Variants in ARHGEF26 observed in about 807,000 individuals in gnomAD.
ARHGEF26 encodes Rho guanine nucleotide exchange factor (GEF) 26.
ARHGEF26 carries 59 observed loss-of-function variants against 89.4 expected under a neutral mutation model. The observed-to-expected ratio is 0.66, with a 90% CI of 0.54 to 0.82. The LOEUF is 0.82. Among genes scored for constraint, ARHGEF26 ranks in the 40% least tolerant of loss-of-function variants. ARHGEF26 has a pLI of 0.00. For synonymous variants in ARHGEF26, 500 were observed against 428.4 expected, an observed-to-expected ratio of 1.17 and a Z score of -2.06; for missense variants, 1,234 against 1,085.6, an observed-to-expected ratio of 1.14 and a Z score of -1.92.
In ARHGEF26 at chr3:154,122,432, C is replaced by G; in HGVS notation, c.440C>G (p.Pro147Arg). 1.2e-6 allele frequency: 2 copies of G among 1,611,350 alleles called. No individual in the cohort carries two copies. The highest frequency in any genetic ancestry group is 8.5e-7 in the Non-Finnish European group (1 of 1,179,154). ...CCGCCGCCGCCGGTTCTGCGCCCCC[C>G]GCGGACTCCTAACGCGCCCGCCCCC... ...APPPPPVLRP[P>R]RTPNAPAPCT... Residue 147 changes from proline (P) to arginine (R), a missense_variant, in exon 2 of 15, where the codon CCG (proline) becomes CGG (arginine). Pro to Arg is a moderately radical substitution (Grantham distance 103). Coordinates refer to ENST00000465093, the MANE Select transcript of ARHGEF26 (RefSeq NM_015595.4).
chr3:154,144,186 C>G (rs1006675931), intron 4 of ARHGEF26, among the ~76,000 whole-genome samples: 2 of 152,126 alleles, frequency 1.3e-5, no homozygotes, highest in Non-Finnish European at 2.9e-5. Context: ...CTTAAAAACT[C>G]TGAAGTTTTA....
At chr3:154,227,317 A>G (rs1304897684) in intron 11 of ARHGEF26, among the ~76,000 whole-genome samples, 2 of 127,294 alleles carry the variant, frequency 1.6e-5, no homozygotes, top group East Asian at 2.3e-4. Flanking sequence ...TTTTTTTGAG[A>G]TAGAGTCTTG....
At chr3:154,139,967 C>T (rs1719256054) in intron 4 of ARHGEF26, among the ~76,000 whole-genome samples, 1 of 152,120 alleles carries the variant, frequency 6.6e-6, no homozygotes, top group Non-Finnish European at 1.5e-5. Context: ...GGAAATAAGC[C>T]TATCCAACTA....
At chr3:154,232,928 A>G (rs1352488194) in intron 11 of ARHGEF26, among the ~76,000 whole-genome samples, 5 of 151,874 alleles carry the variant, frequency 3.3e-5, no homozygotes, top group Admixed American at 2.6e-4. Context: ...CCTGGGTTCA[A>G]GCGATTCTCC....
chr3:154,136,959 G>C (rs557384731), intron 4 of ARHGEF26, among the ~76,000 whole-genome samples: 10 of 152,210 alleles, frequency 6.6e-5, no homozygotes, highest in Non-Finnish European at 1.2e-4. Flanking sequence ...GGTTTAAACA[G>C]AACTGCAAGC....
At chr3:154,175,811 G>T (rs1298572436) in intron 6 of ARHGEF26, among the ~76,000 whole-genome samples, 1 of 152,152 alleles carries the variant, frequency 6.6e-6, no homozygotes, top group Non-Finnish European at 1.5e-5. Flanking sequence ...TATTTATTTT[G>T]CATAGCTGTA....
rs143207536 is a variant in ARHGEF26 at position 154,130,897 on chromosome 3, T to C, written c.1269+1178T>C. On this transcript the variant is annotated intron_variant, in intron 4 of 14. Transcript: ENST00000465093. ...AAAGGAGTTGTTAATGTTGGTGCTGTATAGCCAGGGCCGTGGGAATATGTG... is the reference window on the plus strand; with the variant it reads ...AAAGGAGTTGTTAATGTTGGTGCTGCATAGCCAGGGCCGTGGGAATATGTG... Among the ~76,000 whole-genome samples, 146 of 152,242 alleles carry C rather than the reference T, an allele frequency of 9.6e-4. 1 individual carries two copies. The highest frequency in any genetic ancestry group is 3.3e-3 in the African/African-American group (139 of 41,530).
At chr3:154,250,407 T>C (rs1254835971) in intron 12 of ARHGEF26, among the ~76,000 whole-genome samples, 3 of 152,132 alleles carry the variant, frequency 2.0e-5, no homozygotes, top group East Asian at 1.9e-4. Flanking sequence ...ACTCACTCAA[T>C]TGAAAGTCTC....
intron 6 of ARHGEF26, among the ~76,000 whole-genome samples, chr3:154,182,726 A>T (rs576078546): frequency 1.3e-5 from 2 of 152,324 alleles, no homozygotes; most frequent in Admixed American, 1.3e-4. Context: ...CACCGCTGAG[A>T]GCTGAGGCAG....
At chr3:154,239,778 A>G (rs1717379157) in intron 11 of ARHGEF26, among the ~76,000 whole-genome samples, 1 of 152,104 alleles carries the variant, frequency 6.6e-6, no homozygotes, top group South Asian at 2.1e-4. Context: ...CAGGAGAAAG[A>G]AGGATATTGG....
chr3:154,127,343 A>T (rs923335255), intron 3 of ARHGEF26, among the ~76,000 whole-genome samples: 2 of 152,224 alleles, frequency 1.3e-5, no homozygotes, highest in Non-Finnish European at 2.9e-5. Context: ...TTCTTCACAT[A>T]CCTATTCCAT....
chr3:154,183,977 C>CTTTTTTTTTTTTTT (rs548153454), intron 6 of ARHGEF26, among the ~76,000 whole-genome samples: 4 of 140,330 alleles, frequency 2.9e-5, no homozygotes, highest in Admixed American at 7.2e-5. Context: ...AATTTTCTTT[C>CTTTTTTTTTTTTTT]TTTTTTTTTT....
chr3:154,123,830 A>G (rs1468312270), intron 2 of ARHGEF26, among the ~76,000 whole-genome samples: 2 of 152,182 alleles, frequency 1.3e-5, no homozygotes, highest in Admixed American at 6.5e-5. Flanking sequence ...ATTGTCAAAT[A>G]TGACATAAAG....
At chr3:154,124,372 C>CTTTTTTTTTT (rs10688646) in intron 2 of ARHGEF26, 38 bp from the exon 3 acceptor site, 10 of 1,010,666 alleles carry the variant, frequency 9.9e-6, no homozygotes, top group South Asian at 5.6e-5. Flanking sequence ...TTTGCTTTTC[C>CTTTTTTTTTT]TTTTTTTTTT....
intron 9 of ARHGEF26, among the ~76,000 whole-genome samples, chr3:154,205,252 A>G (rs973239593): frequency 2.0e-5 from 3 of 152,144 alleles, no homozygotes; most frequent in African/African-American, 7.2e-5. Context: ...TTATCATTAT[A>G]TAGTGACTTT....
At chr3:154,234,069 A>G (rs1381342092) in intron 11 of ARHGEF26, among the ~76,000 whole-genome samples, 1 of 152,198 alleles carries the variant, frequency 6.6e-6, no homozygotes, top group African/African-American at 2.4e-5. Context: ...CCTTTTTACA[A>G]AAGGAAGAAC....
At chr3:154,238,437 C>T (rs1261834837) in intron 11 of ARHGEF26, among the ~76,000 whole-genome samples, 1 of 152,108 alleles carries the variant, frequency 6.6e-6, no homozygotes, top group Admixed American at 6.5e-5. Context: ...CAGAATCTAT[C>T]AAACCAAATT....
chr3:154,144,760 T>A (rs1195542271), intron 4 of ARHGEF26, among the ~76,000 whole-genome samples: 1 of 152,192 alleles, frequency 6.6e-6, no homozygotes, highest in African/African-American at 2.4e-5. Flanking sequence ...TGAGGCTGAG[T>A]ACTTGCTATT....
intron 6 of ARHGEF26, among the ~76,000 whole-genome samples, chr3:154,160,293 G>A (rs756218498): frequency 6.6e-6 from 1 of 152,102 alleles, no homozygotes; most frequent in Non-Finnish European, 1.5e-5. Context: ...AAAAGAAATA[G>A]GTAGTTGTTT....
Sources: gnomAD v4.1 joint callset for allele counts (sites outside exome capture counted in the v4.1 genomes callset) on GRCh38, gnomAD v4.1.1 for gene constraint, MANE v1.5 for transcripts, NCBI Gene and HGNC (gene_info 2026-07-23, HGNC 2026-07-21) for gene names.